Variants in TTC39B observed in about 807,000 individuals in gnomAD.
The protein encoded by TTC39B is tetratricopeptide repeat protein 39B.
Under a neutral mutation model 96.6 loss-of-function variants are expected in TTC39B, and 92 were observed. That is an observed-to-expected ratio of 0.95 (90% CI 0.80 to 1.13). The LOEUF (loss-of-function observed/expected upper bound fraction) is 1.13, where lower values mean the gene tolerates loss of function less well. TTC39B is among the 50% of genes most tolerant of loss of function. The pLI is 0.00. For synonymous variants in TTC39B, 367 were observed against 299.4 expected, an observed-to-expected ratio of 1.23 and a Z score of -2.33; for missense variants, 955 against 809.3, an observed-to-expected ratio of 1.18 and a Z score of -2.18.
chr9:15,236,094 C>G (rs922965116), intron 2 of TTC39B, among the ~76,000 whole-genome samples: 1 of 152,108 alleles, frequency 6.6e-6, no homozygotes, highest in African/African-American at 2.4e-5. Flanking sequence ...GCTAAAGATA[C>G]CTTTCGACTC....
At chr9:15,291,433 G>C (rs1221581683) in intron 1 of TTC39B, among the ~76,000 whole-genome samples, 1 of 152,176 alleles carries the variant, frequency 6.6e-6, no homozygotes, top group Admixed American at 6.5e-5. Context: ...TGCGATGATG[G>C]TGAGGCCTCC....
At chr9:15,274,783 T>C (rs1823479385) in intron 1 of TTC39B, among the ~76,000 whole-genome samples, 1 of 152,204 alleles carries the variant, frequency 6.6e-6, no homozygotes. Context: ...GCAATAATTT[T>C]TTTAGATTTT....
chr9:15,233,929 G>A (rs1192419514), intron 2 of TTC39B, among the ~76,000 whole-genome samples: 6 of 151,752 alleles, frequency 4.0e-5, no homozygotes, highest in Non-Finnish European at 7.4e-5. Flanking sequence ...CTTCCCCGCC[G>A]CCATCCCATC....
intron 2 of TTC39B, among the ~76,000 whole-genome samples, chr9:15,226,488 G>A (rs1010398155): frequency 1.3e-5 from 2 of 152,120 alleles, no homozygotes; most frequent in Non-Finnish European, 2.9e-5. Flanking sequence ...TGGAAATAAT[G>A]ATAATTTGTT....
chr9:15,184,292 T>TAA (rs2118662795), intron 16 of TTC39B, among the ~76,000 whole-genome samples: 1 of 152,096 alleles, frequency 6.6e-6, no homozygotes, highest in Admixed American at 6.5e-5. Context: ...ATTCCATTTT[T>TAA]AAAAAACCTT....
At chr9:15,210,260 C>G (rs1289316824) in intron 5 of TTC39B, 96 bp from the exon 6 acceptor site, 1 of 781,712 alleles carries the variant, frequency 1.3e-6, no homozygotes, top group Non-Finnish European at 2.1e-6. Flanking sequence ...ACTATCACAC[C>G]AAAGAGTCAA....
rs537961768 is a variant in TTC39B, at chr9:15,235,810, G to A, written c.276-9798C>T. Among the ~76,000 whole-genome samples, 7 of 152,240 alleles carry A rather than the reference G, an allele frequency of 4.6e-5. No homozygotes were observed. The South Asian group carries it at 1.4e-3, about 32-fold the overall frequency. ...GACCTATCCTACAAGAAATGCTGAA[G>A]GGAATTCTAAACATGGAAATGAAAG... On this transcript the variant is annotated intron_variant, in intron 2 of 19. Transcript: ENST00000512701.
chr9:15,199,811 A>C (rs760010539), intron 8 of TTC39B, 50 bp downstream of exon 8: 12 of 846,252 alleles, frequency 1.4e-5, no homozygotes, highest in African/African-American at 1.7e-5. Flanking sequence ...AGAACAAAGG[A>C]GTACACAGCA....
At chr9:15,284,626 A>C (rs1308471250) in intron 1 of TTC39B, among the ~76,000 whole-genome samples, 1 of 152,188 alleles carries the variant, frequency 6.6e-6, no homozygotes, top group Non-Finnish European at 1.5e-5. Flanking sequence ...AATCCCATTT[A>C]TTTTAATAAA....
At chr9:15,277,831 T>G (rs1823604173) in intron 1 of TTC39B, among the ~76,000 whole-genome samples, 1 of 152,194 alleles carries the variant, frequency 6.6e-6, no homozygotes. Context: ...AATGGAGCAC[T>G]GAGGTTTTCA....
intron 3 of TTC39B, among the ~76,000 whole-genome samples, chr9:15,219,262 G>T (rs935151141): frequency 6.6e-6 from 1 of 151,998 alleles, no homozygotes; most frequent in Non-Finnish European, 1.5e-5. Context: ...GAAGCTCCTG[G>T]AATTAAAAGT....
At chr9:15,242,584 AAAAG>A (rs370591198) in intron 2 of TTC39B, among the ~76,000 whole-genome samples, 7 of 152,116 alleles carry the variant, frequency 4.6e-5, no homozygotes, top group East Asian at 3.9e-4. Flanking sequence ...CCCTATCTCA[AAAAG>A]AAAGAAAGAA....
At chr9:15,223,855 A>T (rs1820978957) in intron 3 of TTC39B, among the ~76,000 whole-genome samples, 1 of 151,812 alleles carries the variant, frequency 6.6e-6, no homozygotes, top group Non-Finnish European at 1.5e-5. Flanking sequence ...AAAAAAAAAA[A>T]TGCTCACTAG....
intron 2 of TTC39B, among the ~76,000 whole-genome samples, chr9:15,262,722 TC>T (rs1438226982): frequency 6.6e-6 from 1 of 152,174 alleles, no homozygotes; most frequent in Admixed American, 6.5e-5. Context: ...ATTTAAGGCC[TC>T]CTTCATCTGT....
intron 6 of TTC39B, 103 bp from the exon 7 acceptor site, chr9:15,203,993 C>T: frequency 9.9e-7 from 1 of 1,005,800 alleles, no homozygotes; most frequent in Non-Finnish European, 1.4e-6. Context: ...CCAAGAGAGA[C>T]CCCAAAACTT....
chr9:15,250,436 T>C (rs551105748), intron 2 of TTC39B, among the ~76,000 whole-genome samples: 1 of 152,182 alleles, frequency 6.6e-6, no homozygotes, highest in Non-Finnish European at 1.5e-5. Context: ...GAATGATCCC[T>C]TTTGTCTTAA....
At chr9:15,254,868 C>T (rs985720953) in intron 2 of TTC39B, among the ~76,000 whole-genome samples, 5 of 129,174 alleles carry the variant, frequency 3.9e-5, no homozygotes, top group Non-Finnish European at 6.1e-5. Context: ...CACAAACACA[C>T]ACACTTTTTT....
intron 2 of TTC39B, among the ~76,000 whole-genome samples, chr9:15,251,872 G>C (rs1389559418): frequency 1.3e-5 from 2 of 151,580 alleles, no homozygotes; most frequent in Non-Finnish European, 2.9e-5. Context: ...ATTTCTAAAA[G>C]TTCAAAAGAG....
intron 2 of TTC39B, among the ~76,000 whole-genome samples, chr9:15,251,683 A>ACG (rs1283324362): frequency 1.3e-4 from 16 of 125,688 alleles, no homozygotes; most frequent in African/African-American, 3.5e-4. Context: ...ACACACACAC[A>ACG]CACACACATA....
Sources: gnomAD v4.1 joint callset for allele counts (sites outside exome capture counted in the v4.1 genomes callset) on GRCh38, gnomAD v4.1.1 for gene constraint, MANE v1.5 for transcripts, NCBI Gene and HGNC (gene_info 2026-07-23, HGNC 2026-07-21) for gene names.